SCML4: variants seen among roughly 807,000 people sequenced by gnomAD.
The protein encoded by SCML4 is sex comb on midleg-like protein 4.
Under a neutral mutation model 41.1 loss-of-function variants are expected in SCML4, and 34 were observed. The observed-to-expected ratio is 0.83, with a 90% CI of 0.63 to 1.10. The LOEUF is 1.10. Ranked by LOEUF, SCML4 falls within the 50% of genes least tolerant of loss-of-function variation. SCML4 has a pLI of 0.00. For synonymous variants in SCML4, 214 were observed against 220.9 expected, an observed-to-expected ratio of 0.97 and a Z score of 0.28; for missense variants, 522 against 534.1, an observed-to-expected ratio of 0.98 and a Z score of 0.22.
At chr6:107,830,528 T>C in the SCML4 span, among the ~76,000 whole-genome samples, 1 of 152,210 alleles carries the variant, frequency 6.6e-6, no homozygotes, top group East Asian at 1.9e-4. Context: ...AATTCCAAGA[T>C]GGCAGGGAAT....
chr6:107,732,617 CCAAAG>C, intron 5 of SCML4, among the ~76,000 whole-genome samples: 1 of 152,250 alleles, frequency 6.6e-6, no homozygotes, highest in Admixed American at 6.5e-5. Flanking sequence ...GCATTTTTGA[CCAAAG>C]TCATCTGTTT....
intron 5 of SCML4, chr6:107,732,455 T>A (rs1294458941): frequency 6.6e-6 from 1 of 152,256 alleles, no homozygotes; most frequent in East Asian, 1.9e-4. Context: ...TACATTTCTA[T>A]TTTTTCTCCC....
rs1458320090 is a variant in SCML4, at chr6:107,813,385, T to A, written c.-60+10741A>T. ...CTCAAAAAAATTATATATATATATA[T>A]ATATATATATATATATATATATATA... On this transcript the variant is annotated intron_variant, in intron 1 of 7. Coordinates refer to ENST00000369020, the MANE Select transcript of SCML4 (RefSeq NM_198081.5). 5.2e-3 allele frequency among the ~76,000 whole-genome samples: 76 copies of A among 14,750 alleles called. 3 individuals carry two copies. In the East Asian group the frequency reaches 0.12, roughly 24 times the overall value. The allele number at this position is 14,750 out of a possible 152,430, so 9.7% of individuals were successfully genotyped here.
At chr6:107,756,591 A>G (rs1779131846) in intron 2 of SCML4, among the ~76,000 whole-genome samples, 1 of 152,162 alleles carries the variant, frequency 6.6e-6, no homozygotes, top group Non-Finnish European at 1.5e-5. Context: ...AGCTAATTAA[A>G]TCGGAATAAA....
chr6:107,704,795 C>A lies in SCML4; in HGVS notation c.*405G>T. The A allele has an allele frequency of 4.4e-6, 1 of 227,294 alleles. No homozygotes were observed. The highest frequency in any genetic ancestry group is 8.5e-6 in the Non-Finnish European group (1 of 117,792). 14.1% of individuals were successfully genotyped at this position (227,294 alleles called of 1,614,324 possible). Reference sequence around the variant, plus strand: ...TAGGTCCCCAGGTCAGAGTTAGAGGCAGATGGTGCTGAGGGGGTTGTCCCT... The same window carrying A: ...TAGGTCCCCAGGTCAGAGTTAGAGGAAGATGGTGCTGAGGGGGTTGTCCCT... On this transcript the variant is annotated 3_prime_UTR_variant, in exon 8 of 8. Coordinates refer to ENST00000369020, the MANE Select transcript of SCML4 (RefSeq NM_198081.5).
chr6:107,845,131 G>A, the SCML4 span, among the ~76,000 whole-genome samples: 1 of 152,078 alleles, frequency 6.6e-6, no homozygotes, highest in Admixed American at 6.6e-5. Context: ...AGCTACTTGG[G>A]AAGCTGAGGC....
At chr6:107,758,858 C>T (rs541077559) in intron 2 of SCML4, among the ~76,000 whole-genome samples, 1 of 152,288 alleles carries the variant, frequency 6.6e-6, no homozygotes, top group Non-Finnish European at 1.5e-5. Context: ...TTCTTTGTTA[C>T]AGCAGCCCTA....
intron 1 of SCML4, among the ~76,000 whole-genome samples, chr6:107,778,990 C>A (rs1361562836): frequency 6.6e-6 from 1 of 152,016 alleles, no homozygotes; most frequent in Non-Finnish European, 1.5e-5. Flanking sequence ...ACCATCCTGG[C>A]TAACACCGTG....
upstream of SCML4, among the ~76,000 whole-genome samples, chr6:107,826,988 G>C (rs544541989): frequency 4.6e-5 from 7 of 151,972 alleles, no homozygotes; most frequent in South Asian, 2.1e-4. Flanking sequence ...GTGTGAACCC[G>C]GGAGGCGGAG....
At chr6:107,711,684 T>C (rs1429297754) in intron 6 of SCML4, among the ~76,000 whole-genome samples, 2 of 152,200 alleles carry the variant, frequency 1.3e-5, no homozygotes, top group Admixed American at 1.3e-4. Flanking sequence ...TACAAAAGCC[T>C]GTGTGTGTAA....
intron 6 of SCML4, chr6:107,719,339 C>T (rs1391900391): frequency 3.9e-5 from 6 of 152,434 alleles, no homozygotes; most frequent in South Asian, 4.1e-4. Flanking sequence ...GGGCCACGCT[C>T]ATCTGGGTTG....
rs187815967 is a variant in SCML4, at chr6:107,736,131, G to A, written c.682+8818C>T. Among the ~76,000 whole-genome samples the A allele has an allele frequency of 1.6e-3, 246 of 152,328 alleles. 1 individual carries two copies. The highest frequency in any genetic ancestry group is 5.6e-3 in the African/African-American group (231 of 41,562). On this transcript the variant is annotated intron_variant, in intron 5 of 7. Transcript: ENST00000369020. ...CCCGTGGTTGTCATCCAGCCCCGAT[G>A]TAGCCAGAACACAAGGACACGGGGA...
intron 5 of SCML4, 55 bp downstream of exon 5, chr6:107,744,894 G>T: frequency 7.1e-7 from 1 of 1,417,374 alleles, no homozygotes; most frequent in Non-Finnish European, 9.6e-7. Flanking sequence ...GAAGGGCAGA[G>T]ACACCTGGGA....
At chr6:107,757,610 A>G (rs1261770052) in intron 2 of SCML4, among the ~76,000 whole-genome samples, 1 of 152,220 alleles carries the variant, frequency 6.6e-6, no homozygotes, top group African/African-American at 2.4e-5. Context: ...TCTGAAGCTT[A>G]GTACTTAGGC....
At chr6:107,757,936 C>T (rs1202055650) in intron 2 of SCML4, among the ~76,000 whole-genome samples, 2 of 152,152 alleles carry the variant, frequency 1.3e-5, no homozygotes, top group African/African-American at 2.4e-5. Context: ...TTCCTCACAC[C>T]TCGCAGATGA....
At chr6:107,842,993 G>A in the SCML4 span, among the ~76,000 whole-genome samples, 1 of 151,848 alleles carries the variant, frequency 6.6e-6, no homozygotes, top group Non-Finnish European at 1.5e-5. Flanking sequence ...CTTACATGGT[G>A]TTTATTTTTC....
At chr6:107,777,310 G>A (rs1781035642) in intron 1 of SCML4, among the ~76,000 whole-genome samples, 1 of 152,100 alleles carries the variant, frequency 6.6e-6, no homozygotes, top group African/African-American at 2.4e-5. Context: ...TAGAGACGGG[G>A]TTTCACCATG....
At chr6:107,747,436 T>C (rs773657875) in intron 3 of SCML4, among the ~76,000 whole-genome samples, 46 of 152,136 alleles carry the variant, frequency 3.0e-4, no homozygotes, top group Non-Finnish European at 5.1e-4. Flanking sequence ...ACCCAGTCAA[T>C]GGTTTCCACA....
At chr6:107,721,257 T>C (rs1238371103) in intron 5 of SCML4, among the ~76,000 whole-genome samples, 1 of 152,254 alleles carries the variant, frequency 6.6e-6, no homozygotes, top group East Asian at 1.9e-4. Context: ...ATTTTGGCCA[T>C]TGATGACTTA....
Sources: allele counts gnomAD v4.1 joint callset (sites outside exome capture counted in the v4.1 genomes callset), GRCh38; gene constraint gnomAD v4.1.1; transcripts MANE v1.5; gene names NCBI Gene and HGNC (gene_info 2026-07-23, HGNC 2026-07-21).